PROZ: variants seen among roughly 807,000 people sequenced by gnomAD.
PROZ encodes the protein protein Z, vitamin K dependent plasma glycoprotein.
Under a neutral mutation model 34.9 loss-of-function variants are expected in PROZ, and 46 were observed. That is an observed-to-expected ratio of 1.32 (90% CI 1.04 to 1.69). The LOEUF (loss-of-function observed/expected upper bound fraction) is 1.69. Ranked by LOEUF, PROZ falls within the 40% of genes most tolerant of loss-of-function variation. The pLI is 0.00. For synonymous variants in PROZ, 195 were observed against 208.5 expected, an observed-to-expected ratio of 0.94 and a Z score of 0.56; for missense variants, 530 against 520.4, an observed-to-expected ratio of 1.02 and a Z score of -0.18.
Position 113,160,181 on chromosome 13 carries a change from T to C in PROZ, c.234+4T>C. On this transcript the variant is annotated splice_donor_region_variant and intron_variant, in intron 2 of 7. Coordinates refer to ENST00000375547, the MANE Select transcript of PROZ (RefSeq NM_003891.3). ...GTTTGAAAATGAAGTAGTCACTGTA[T>C]GTACCCCCACCACAAACCACAGGCC... 2 of 1,614,046 alleles carry C rather than the reference T, an allele frequency of 1.2e-6. 1 individual carries two copies. The highest frequency in any genetic ancestry group is 2.2e-5 in the South Asian group (2 of 91,080).
rs187728133 is a variant in PROZ, at chr13:113,169,523, T to A, written c.574-890T>A. 3.5e-3 allele frequency among the ~76,000 whole-genome samples: 536 copies of A among 152,370 alleles called. 16 individuals are homozygous for A. Among genetic ancestry groups the A allele is most frequent in the Non-Finnish European group, 9.1e-4 (62 of 68,038 alleles). On this transcript the variant is annotated intron_variant, in intron 6 of 7. Coordinates refer to ENST00000375547, the MANE Select transcript of PROZ (RefSeq NM_003891.3). ...ATCCTGTTAGGTGCTGAATATTTTG[T>A]GCTCTATACATACACTTGGATATTG...
chr13:113,161,972 A>T (rs374729034), intron 3 of PROZ, among the ~76,000 whole-genome samples: 1 of 1,704 alleles, frequency 5.9e-4, no homozygotes, highest in Admixed American at 9.4e-3. Context: ...CCACCTCCCC[A>T]CATCCTCCTC....
chr13:113,169,041 A>AT (rs924393395), intron 6 of PROZ, among the ~76,000 whole-genome samples: 1 of 151,628 alleles, frequency 6.6e-6, no homozygotes, highest in African/African-American at 2.4e-5. Context: ...TTATTTTCAG[A>AT]TTTTTTTTCT....
chr13:113,165,040 G>A lies in PROZ; in HGVS notation c.506-13G>A. ...CGCTGATTTTTATTCTCATGTTGCT[G>A]CCGCAAATGCAGACCAGTGTGCCTG... On this transcript the variant is annotated splice_polypyrimidine_tract_variant and intron_variant, in intron 5 of 7. Coordinates refer to ENST00000375547, the MANE Select transcript of PROZ (RefSeq NM_003891.3). 2.5e-6 allele frequency: 4 copies of A among 1,613,248 alleles called. No homozygotes were observed. Among genetic ancestry groups the A allele is most frequent in the Non-Finnish European group, 3.4e-6 (4 of 1,179,854 alleles).
At chr13:113,168,033 A>G (rs1237152825) in intron 6 of PROZ, among the ~76,000 whole-genome samples, 1 of 152,188 alleles carries the variant, frequency 6.6e-6, no homozygotes, top group African/African-American at 2.4e-5. Context: ...TCGCTGTAGC[A>G]TGAGTCCTTA....
chr13:113,160,475 C>T (rs1354664368), intron 2 of PROZ, among the ~76,000 whole-genome samples: 2 of 152,200 alleles, frequency 1.3e-5, no homozygotes, highest in African/African-American at 2.4e-5. Context: ...TTCTAGGCTT[C>T]AAGTCTGAAT....
At chr13:113,167,579 G>C (rs3024748) in intron 6 of PROZ, among the ~76,000 whole-genome samples, 4,885 of 152,244 alleles carry the variant, frequency 0.032, 112 homozygotes, top group Middle Eastern at 0.092. Context: ...TATTGATATA[G>C]ACACTTTACT....
In PROZ at chr13:113,171,853, G is replaced by A. The variant is rs768662630; in HGVS notation, c.951G>A (p.Arg317=). The A allele has an allele frequency of 1.9e-6, 3 of 1,613,682 alleles. No individual in the cohort carries two copies. Among genetic ancestry groups the A allele is most frequent in the Non-Finnish European group, 2.5e-6 (3 of 1,180,038 alleles). The change falls in exon 8 of 8, where the codon CGG becomes CGA. Residue 317 remains arginine (R), a synonymous_variant. Coordinates refer to ENST00000375547, the MANE Select transcript of PROZ (RefSeq NM_003891.3). The surrounding 1 kb of genome is among the most constrained non-coding windows in gnomAD (Gnocchi z 5.1). ...ACCTGGGCAACTCGCTGACCACGCGGCCTGTCACACTTGTGGAGGGGGAGG... is the reference window on the plus strand; with the variant it reads ...ACCTGGGCAACTCGCTGACCACGCGACCTGTCACACTTGTGGAGGGGGAGG... ...GTDLGNSLTT[R]PVTLVEGEEC...
chr13:113,168,425 C>T (rs1391290015), intron 6 of PROZ, among the ~76,000 whole-genome samples: 2 of 152,200 alleles, frequency 1.3e-5, no homozygotes, highest in South Asian at 2.1e-4. Flanking sequence ...TTGCGTCTGG[C>T]GCAGAGCCCC....
Position 113,164,633 on chromosome 13 carries a change from G to A in PROZ, c.494G>A (p.Cys165Tyr), listed in dbSNP as rs2036865756. The A allele has an allele frequency of 6.2e-7, 1 of 1,613,636 alleles. No individual in the cohort carries two copies. Among genetic ancestry groups the A allele is most frequent in the Non-Finnish European group, 8.5e-7 (1 of 1,179,996 alleles). Residue 165 changes from cysteine (C) to tyrosine (Y), a missense_variant, in exon 5 of 8, where the codon TGT becomes TAT. Physicochemically the swap from Cys to Tyr is radical, Grantham distance 194. Coordinates refer to ENST00000375547, the MANE Select transcript of PROZ (RefSeq NM_003891.3). ...AGGCTTGGTGAGGACCACAAACAGT[G>A]TGTGCCCCACGGTGAGTGCTCAGAC... ...GYRLGEDHKQ[C>Y]VPHDQCACGV...
chr13:113,170,462 T>C lies in PROZ; in HGVS notation c.623T>C (p.Ile208Thr), dbSNP rs776697255. The C allele has an allele frequency of 6.8e-6, 11 of 1,611,304 alleles. No individual in the cohort carries two copies. In the Admixed American group the frequency reaches 1.5e-4, roughly 22 times the overall value. The change falls in exon 7 of 8, where the codon ATA (isoleucine) becomes ACA (threonine). Residue 208 changes from isoleucine (I) to threonine (T), a missense_variant. Ile to Thr is a moderately conservative substitution (Grantham distance 89). Transcript: ENST00000375547. The part of the protein sequence containing the change: ...EGKDFCGGVI[I>T]RENFVLTTAK... ...AAAGACTTCTGTGGTGGTGTTATAA[T>C]ACGGGAAAATTTTGTACTGACAACA... is the stretch of plus-strand genomic sequence containing the variant.
intron 3 of PROZ, 21 bp from the exon 4 acceptor site, chr13:113,162,988 A>AC (rs1436490384): frequency 2.8e-6 from 4 of 1,410,264 alleles, no homozygotes; most frequent in Non-Finnish European, 3.8e-6. Flanking sequence ...CACCACCCCA[A>AC]CCCCCATCCT....
Position 113,159,974 on chromosome 13 carries a change from T to C in PROZ, c.71-40T>C, listed in dbSNP as rs199680924. On this transcript the variant is annotated intron_variant, in intron 1 of 7. Coordinates refer to ENST00000375547, the MANE Select transcript of PROZ (RefSeq NM_003891.3). The surrounding 1 kb of genome is among the most constrained non-coding windows in gnomAD (Gnocchi z 4.6). ...CAGGCAGCTCTGGAAAGCAGGGCCCTCGGTGCTCCCAGTCACCTGCCTTCT... is the reference window on the plus strand; with the variant it reads ...CAGGCAGCTCTGGAAAGCAGGGCCCCCGGTGCTCCCAGTCACCTGCCTTCT... 2,141 of 1,611,844 alleles carry C rather than the reference T, an allele frequency of 1.3e-3. 10 individuals are homozygous for C. The highest frequency in any genetic ancestry group is 1.4e-3 in the Non-Finnish European group (1,645 of 1,178,994).
Position 113,171,657 on chromosome 13 carries a change from G to A in PROZ, c.755G>A (p.Arg252Gln), listed in dbSNP as rs141140968. The change falls in exon 8 of 8, where the codon CGG becomes CAG. Residue 252 changes from arginine to glutamine, a missense_variant. Coordinates refer to ENST00000375547, the MANE Select transcript of PROZ (RefSeq NM_003891.3). The surrounding 1 kb of genome is among the most constrained non-coding windows in gnomAD (Gnocchi z 5.1). ...ATAACGCACGTCCATGTGCACATGC[G>A]GTATGACGCGGACGCGGGGGAGAAT... Reference protein sequence around the residue: ...IKITHVHVHMRYDADAGENDL... With the variant: ...IKITHVHVHMQYDADAGENDL... 1.6e-5 allele frequency: 26 copies of A among 1,614,084 alleles called. No individual in the cohort carries two copies. Among genetic ancestry groups the A allele is most frequent in the African/African-American group, 4.0e-5 (3 of 75,062 alleles).
At chr13:113,165,153 T>C in intron 6 of PROZ, 33 bp downstream of exon 6, 1 of 1,578,214 alleles carries the variant, frequency 6.3e-7, no homozygotes, top group Non-Finnish European at 8.7e-7. Context: ...CTTCAATTTA[T>C]TGTTATGACT....
intron 4 of PROZ, among the ~76,000 whole-genome samples, chr13:113,163,827 A>T (rs1595111087): frequency 1.3e-5 from 2 of 148,622 alleles, no homozygotes; most frequent in Admixed American, 1.3e-4. Flanking sequence ...TGTCACACTA[A>T]CCCCCTCCCA....
rs1304715016 is a variant in PROZ, at chr13:113,158,780, A to T, written c.70+50A>T. 13 of 1,528,124 alleles carry T rather than the reference A, an allele frequency of 8.5e-6. No homozygotes were observed. Among genetic ancestry groups the T allele is most frequent in the Middle Eastern group, 1.7e-4 (1 of 5,978 alleles). 94.7% of individuals were successfully genotyped at this position (1,528,124 alleles called of 1,614,324 possible). On this transcript the variant is annotated intron_variant, in intron 1 of 7. Transcript: ENST00000375547. The surrounding 1 kb of genome is among the most constrained non-coding windows in gnomAD (Gnocchi z 4.3). ...TTGTGCCTGTGCTGTGTCTTTCTTG[A>T]CTCGGTCCATGGTGGATTTGTAGAT...
chr13:113,168,418 C>T (rs964287919), intron 6 of PROZ, among the ~76,000 whole-genome samples: 2 of 152,224 alleles, frequency 1.3e-5, no homozygotes, highest in Admixed American at 6.5e-5. Context: ...AAAGGCATTG[C>T]GTCTGGCGCA....
At position 113,163,097 on chromosome 13, in the gene PROZ, C is replaced by A; in HGVS notation, c.348C>A (p.Gly116=). 6.4e-7 allele frequency: 1 copy of A among 1,556,066 alleles called. No homozygotes were observed. ...GCTACACCTGCACCTGCTCCCCCGG[C>A]TATGAGGGCAGCAACTGCGAGCTGG... ...IWGYTCTCSP[G]YEGSNCELAK... Residue 116 remains glycine, a synonymous_variant, in exon 4 of 8, where the codon GGC becomes GGA. Transcript: ENST00000375547.
Sources: gnomAD v4.1 joint callset for allele counts (sites outside exome capture counted in the v4.1 genomes callset) on GRCh38, gnomAD v4.1.1 for gene constraint, Gnocchi (gnomAD v3.1) non-coding constraint, MANE v1.5 for transcripts, NCBI Gene and HGNC (gene_info 2026-07-23, HGNC 2026-07-21) for gene names.